ARG2: variants seen among roughly 807,000 people sequenced by gnomAD.
ARG2 encodes arginase-2, mitochondrial.
ARG2 carries 21 observed loss-of-function variants against 39.4 expected under a neutral mutation model. The ratio of observed to expected loss-of-function variants is 0.53; its 90% CI spans 0.38 to 0.77. The LOEUF (loss-of-function observed/expected upper bound fraction) is 0.77. Among genes scored for constraint, ARG2 ranks in the 30% least tolerant of loss-of-function variants. The pLI is 0.00. For synonymous variants in ARG2, 150 were observed against 156.7 expected, an observed-to-expected ratio of 0.96 and a Z score of 0.32; for missense variants, 378 against 426.2, an observed-to-expected ratio of 0.89 and a Z score of 1.00.
In ARG2 at chr14:67,648,159, A is replaced by G; in HGVS notation, c.835A>G (p.Ile279Val). The change falls in exon 7 of 8, where the codon ATT becomes GTT. Residue 279 changes from isoleucine (I) to valine (V), a missense_variant. Physicochemically the swap from Ile to Val is conservative, Grantham distance 29. Transcript: ENST00000261783. ...GGLTYREGMY[I>V]AEEIHNTGLL... The stretch of plus-strand genomic sequence containing the variant: ...ACTAACCTATCGAGAAGGCATGTAT[A>G]TTGCTGAGGAAATACACAATACAGG... The G allele has an allele frequency of 6.2e-7, 1 of 1,613,984 alleles. No homozygotes were observed. The highest frequency in any genetic ancestry group is 8.5e-7 in the Non-Finnish European group (1 of 1,179,896).
intron 2 of ARG2, among the ~76,000 whole-genome samples, chr14:67,636,455 G>A (rs1304287718): frequency 6.6e-6 from 1 of 152,232 alleles, no homozygotes; most frequent in Non-Finnish European, 1.5e-5. Flanking sequence ...TGTAGAGCGT[G>A]TAGCACAGTG....
At chr14:67,620,987 A>G (rs1216685297) in intron 2 of ARG2, 21 bp downstream of exon 2, 2 of 1,610,010 alleles carry the variant, frequency 1.2e-6, no homozygotes, top group East Asian at 2.2e-5. Flanking sequence ...AGATTTTTAG[A>G]TATTAGTGCA....
intron 2 of ARG2, among the ~76,000 whole-genome samples, chr14:67,635,071 C>A (rs2036957761): frequency 6.6e-6 from 1 of 151,514 alleles, no homozygotes; most frequent in Admixed American, 6.6e-5. Flanking sequence ...ATGGCGAAAT[C>A]TTGTCTCTAC....
intron 2 of ARG2, among the ~76,000 whole-genome samples, chr14:67,625,149 ATC>A (rs2036850224): frequency 6.6e-6 from 1 of 151,906 alleles, no homozygotes; most frequent in African/African-American, 2.4e-5. Flanking sequence ...ATAACTGGAT[ATC>A]CACATTAAAA....
At chr14:67,643,748 C>G (rs1423348823) in intron 3 of ARG2, among the ~76,000 whole-genome samples, 5 of 148,378 alleles carry the variant, frequency 3.4e-5, no homozygotes, top group Non-Finnish European at 7.4e-5. Context: ...TGTGACTCTT[C>G]TGGTGATTAT....
intron 7 of ARG2, chr14:67,649,074 AGTG>A (rs2037138382): frequency 6.6e-6 from 1 of 152,222 alleles, no homozygotes. Context: ...AGATGTTGCC[AGTG>A]GTCCTTAGGT....
chr14:67,626,543 C>T (rs1364646075), intron 2 of ARG2, among the ~76,000 whole-genome samples: 2 of 152,076 alleles, frequency 1.3e-5, no homozygotes, highest in South Asian at 2.1e-4. Flanking sequence ...TAGACAGTCT[C>T]GCTCTTTCAC....
intron 2 of ARG2, among the ~76,000 whole-genome samples, chr14:67,630,380 C>T (rs56981676): frequency 0.21 from 32,061 of 152,038 alleles, 4,275 homozygotes; most frequent in African/African-American, 0.38. Context: ...GTGCTACTGG[C>T]AAGGCCTCTG....
At position 67,651,561 on chromosome 14, in the gene ARG2, C is replaced by T. The variant is rs1285080837; in HGVS notation, c.*641C>T. 6.7e-7 allele frequency: 1 copy of T among 1,496,536 alleles called. No individual in the cohort carries two copies. The highest frequency in any genetic ancestry group is 1.4e-5 in the African/African-American group (1 of 72,158). The allele number at this position is 1,496,536 out of a possible 1,614,324, so 92.7% of individuals were successfully genotyped here. Reference sequence around the variant, plus strand: ...AAACATTTTGGGGTTAGACCTGGGACCACGGCTGGATACTCTGAGGCTGTA... The same window carrying T: ...AAACATTTTGGGGTTAGACCTGGGATCACGGCTGGATACTCTGAGGCTGTA... On this transcript the variant is annotated 3_prime_UTR_variant, in exon 8 of 8. Coordinates refer to ENST00000261783, the MANE Select transcript of ARG2 (RefSeq NM_001172.4).
chr14:67,632,808 A>ATT (rs55642854), intron 2 of ARG2, among the ~76,000 whole-genome samples: 3,698 of 62,442 alleles, frequency 0.059, 645 homozygotes, highest in African/African-American at 0.094. Flanking sequence ...AAGCCTCTTA[A>ATT]TTTTTTTTTT....
At chr14:67,622,644 AT>A (rs1255439243) in intron 2 of ARG2, among the ~76,000 whole-genome samples, 8 of 152,358 alleles carry the variant, frequency 5.3e-5, no homozygotes, top group Admixed American at 3.9e-4. Flanking sequence ...GTCTCTTAAA[AT>A]AGCTTGTACA....
Position 67,642,246 on chromosome 14 carries a change from A to G in ARG2, c.245A>G (p.Tyr82Cys). ...SFTPVPKDDL[Y>C]NNLIVNPRSV... ...ACTCCAGTCCCCAAAGATGATCTCT[A>G]CAACAACCTGATAGTGAATCCACGC... The change falls in exon 3 of 8, where the codon TAC (tyrosine) becomes TGC (cysteine). Residue 82 changes from tyrosine (Y) to cysteine (C), a missense_variant. Physicochemically the swap from Tyr to Cys is radical, Grantham distance 194 (BLOSUM62 -2). Transcript: ENST00000261783. The G allele has an allele frequency of 6.3e-7, 1 of 1,590,854 alleles. No individual in the cohort carries two copies. Among genetic ancestry groups the G allele is most frequent in the Non-Finnish European group, 8.6e-7 (1 of 1,158,782 alleles).
rs371291146 is a variant in ARG2 at position 67,636,272 on chromosome 14, A to AAC, written c.185-5914_185-5913insAC. ...TAGTCTTATGCTGTCAAAAAAAAAA[A>AAC]CCCAAAAAACAAAAAAACAAAACCT... On this transcript the variant is annotated intron_variant, in intron 2 of 7. Transcript: ENST00000261783. Among the ~76,000 whole-genome samples, 497 of 151,814 alleles carry AAC rather than the reference A, an allele frequency of 3.3e-3. 19 individuals carry two copies. In the East Asian group the frequency reaches 0.083, roughly 25 times the overall value.
At chr14:67,623,635 G>A (rs1006281101) in intron 2 of ARG2, among the ~76,000 whole-genome samples, 9 of 138,918 alleles carry the variant, frequency 6.5e-5, no homozygotes, top group African/African-American at 1.8e-4. Context: ...TCCGCCTCCC[G>A]GGTTCAAGCA....
At chr14:67,642,793 C>CAT (rs2037049450) in intron 3 of ARG2, among the ~76,000 whole-genome samples, 1 of 75,518 alleles carries the variant, frequency 1.3e-5, no homozygotes, top group Non-Finnish European at 2.3e-5. Context: ...ACTACATTTT[C>CAT]TTTTTTTTTT....
chr14:67,643,008 G>T (rs913726988), intron 3 of ARG2, among the ~76,000 whole-genome samples: 9 of 151,924 alleles, frequency 5.9e-5, no homozygotes, highest in Admixed American at 1.3e-4. Context: ...TGGCCATGTT[G>T]CCCAGACTGG....
At chr14:67,635,571 C>A (rs1296754143) in intron 2 of ARG2, among the ~76,000 whole-genome samples, 1 of 152,226 alleles carries the variant, frequency 6.6e-6, no homozygotes, top group Admixed American at 6.5e-5. Context: ...TCCAGGAATT[C>A]GGCCGGGCAC....
rs1465496170 is a variant in ARG2, at chr14:67,620,949, A to G, written c.167A>G (p.Lys56Arg). The change falls in exon 2 of 8, where the codon AAA becomes AGA. Residue 56 changes from lysine to arginine, a missense_variant. Physicochemically the swap from Lys to Arg is conservative, Grantham distance 26. Coordinates refer to ENST00000261783, the MANE Select transcript of ARG2 (RefSeq NM_001172.4). Reference sequence around the variant, plus strand: ...GCCATAAGAGAAGCTGGCTTGATGAAAAGGCTCTCCAGTTTGGGTAAGTGG... The same window carrying G: ...GCCATAAGAGAAGCTGGCTTGATGAGAAGGCTCTCCAGTTTGGGTAAGTGG... ...PAAIREAGLMKRLSSLGCHLK... is the reference protein window; with the variant it reads ...PAAIREAGLMRRLSSLGCHLK... 6.2e-7 allele frequency: 1 copy of G among 1,614,148 alleles called. No individual in the cohort carries two copies. Among genetic ancestry groups the G allele is most frequent in the Admixed American group, 1.7e-5 (1 of 60,030 alleles).
At position 67,620,895 on chromosome 14, in the gene ARG2, AAAG is replaced by A; in HGVS notation, c.116_118del (p.Arg39del). ...TTGTGTAATTTGTGTGACTGACAGAAAAGAAAAGGAGTGGAGCATGGTCCCGCT... is the reference window on the plus strand; with the variant it reads ...TTGTGTAATTTGTGTGACTGACAGAAAAAAGGAGTGGAGCATGGTCCCGCT... On this transcript the variant is annotated inframe_deletion and splice_region_variant, in exon 2 of 8. Transcript: ENST00000261783. 1 of 1,614,110 alleles carries A rather than the reference AAAG, an allele frequency of 6.2e-7. No homozygotes were observed. The highest frequency in any genetic ancestry group is 8.5e-7 in the Non-Finnish European group (1 of 1,179,978).
Sources: gnomAD v4.1 joint callset for allele counts (sites outside exome capture counted in the v4.1 genomes callset) on GRCh38, gnomAD v4.1.1 for gene constraint, MANE v1.5 for transcripts, NCBI Gene and HGNC (gene_info 2026-07-23, HGNC 2026-07-21) for gene names.